CA4: variants seen among roughly 807,000 people sequenced by gnomAD.
CA4 encodes the protein CA-IV.
Under a neutral mutation model 34.5 loss-of-function variants are expected in CA4, and 24 were observed. The observed-to-expected ratio is 0.70, with a 90% CI of 0.50 to 0.98. The LOEUF (loss-of-function observed/expected upper bound fraction) is 0.98, where lower values mean the gene tolerates loss of function less well. Among genes scored for constraint, CA4 ranks in the 50% least tolerant of loss-of-function variants. The pLI, the probability that CA4 is intolerant of heterozygous loss-of-function variation, is 0.00. For missense variants in CA4, 394 were observed against 396.7 expected, an observed-to-expected ratio of 0.99 and a Z score of 0.06; for synonymous variants, 178 against 170.6, an observed-to-expected ratio of 1.04 and a Z score of -0.34.
At chr17:60,165,532 C>T in intron 5 of CA4, among the ~76,000 whole-genome samples, 1 of 152,208 alleles carries the variant, frequency 6.6e-6, no homozygotes, top group Non-Finnish European at 1.5e-5. Context: ...CCTGCTTTCT[C>T]ACTGTGGGGA....
At chr17:60,154,514 T>C (rs1350433691) in intron 1 of CA4, among the ~76,000 whole-genome samples, 1 of 152,246 alleles carries the variant, frequency 6.6e-6, no homozygotes, top group African/African-American at 2.4e-5. Flanking sequence ...TTAATAGACT[T>C]TATTTTTAGA....
chr17:60,160,362 A>T (rs1597999224), downstream of CA4, among the ~76,000 whole-genome samples: 1 of 152,224 alleles, frequency 6.6e-6, no homozygotes, highest in Non-Finnish European at 1.5e-5. Context: ...AAAAGACAAA[A>T]ATGCCTGCCC....
At chr17:60,171,367 G>T (rs2145313410), downstream of CA4, among the ~76,000 whole-genome samples, 1 of 152,376 alleles carries the variant, frequency 6.6e-6, no homozygotes, top group East Asian at 1.9e-4. Context: ...AGGCCCTGGG[G>T]CTGCTCCCTA....
At chr17:60,153,823 G>A (rs1010532948) in intron 1 of CA4, among the ~76,000 whole-genome samples, 1 of 152,216 alleles carries the variant, frequency 6.6e-6, no homozygotes, top group African/African-American at 2.4e-5. Context: ...CCCAGGGACA[G>A]CAGAGCCCTG....
rs1403296670 is a variant in CA4, at chr17:60,158,367, G to A, written c.665G>A (p.Gly222Asp). ...CTGAGGCACTACTTCCGCTACCTGG[G>A]CTCACTCACCACACCGACCTGCGAT... ...EKLRHYFRYLGSLTTPTCDEK... is the reference protein window; with the variant it reads ...EKLRHYFRYLDSLTTPTCDEK... Residue 222 changes from glycine (G) to aspartate (D), a missense_variant, in exon 7 of 8, where the codon GGC (glycine) becomes GAC (aspartate). Physicochemically the swap from Gly to Asp is moderately conservative, Grantham distance 94. Coordinates refer to ENST00000300900, the MANE Select transcript of CA4 (RefSeq NM_000717.5). The A allele has an allele frequency of 2.0e-5, 33 of 1,614,002 alleles. No individual in the cohort carries two copies. Among genetic ancestry groups the A allele is most frequent in the Non-Finnish European group, 2.6e-5 (31 of 1,180,014 alleles).
intron 5 of CA4, among the ~76,000 whole-genome samples, chr17:60,164,964 TCA>T (rs371407016): frequency 3.1e-4 from 47 of 152,296 alleles, no homozygotes; most frequent in African/African-American, 1.0e-3. Flanking sequence ...TTTCTGAGCC[TCA>T]GTTTCCTCAT....
chr17:60,151,105 G>A (rs1020221989), intron 1 of CA4, among the ~76,000 whole-genome samples: 7 of 152,218 alleles, frequency 4.6e-5, no homozygotes, highest in African/African-American at 1.7e-4. Context: ...GCTTCAAGCG[G>A]CTGGGCACAG....
intron 1 of CA4, among the ~76,000 whole-genome samples, chr17:60,154,162 C>A (rs2083638715): frequency 6.9e-6 from 1 of 145,760 alleles, no homozygotes; most frequent in Admixed American, 7.5e-5. Context: ...ATCTTGATTT[C>A]TTTCCAAGTC....
In CA4 at chr17:60,155,343, G is replaced by T. The variant is rs540328912; in HGVS notation, c.88G>T (p.Glu30Ter). The T allele has an allele frequency of 6.2e-7, 1 of 1,611,200 alleles. No homozygotes were observed. The highest frequency in any genetic ancestry group is 8.5e-7 in the Non-Finnish European group (1 of 1,178,810). ...ESHWCYEVQA[E>*]SSNYPCLVPV... is the part of the protein sequence containing the mutation. ...ACACTGGTGCTACGAGGTTCAAGCC[G>T]AGTCCTCCAACTACCCCTGCTTGGG... The change falls in exon 2 of 8, where the codon GAG becomes TAG. Residue 30 changes from glutamate to a stop codon, truncating the protein, a stop_gained. Coordinates refer to ENST00000300900, the MANE Select transcript of CA4 (RefSeq NM_000717.5). LOFTEE classifies it high-confidence loss of function.
At chr17:60,154,474 T>C (rs916182957) in intron 1 of CA4, among the ~76,000 whole-genome samples, 8 of 152,242 alleles carry the variant, frequency 5.3e-5, no homozygotes, top group African/African-American at 1.4e-4. Context: ...GATGTTGTGT[T>C]CGCCCTGCTG....
chr17:60,177,331 G>A, the CA4 span, among the ~76,000 whole-genome samples: 17 of 152,122 alleles, frequency 1.1e-4, no homozygotes, highest in South Asian at 4.2e-4. Context: ...TTCATATTTC[G>A]GTACATCAAC....
At chr17:60,177,259 T>C in the CA4 span, among the ~76,000 whole-genome samples, 1 of 152,262 alleles carries the variant, frequency 6.6e-6, no homozygotes, top group African/African-American at 2.4e-5. Context: ...TTAATTTGTT[T>C]GTATACTAGT....
At chr17:60,154,226 A>G (rs1567728143) in intron 1 of CA4, among the ~76,000 whole-genome samples, 1 of 108,482 alleles carries the variant, frequency 9.2e-6, no homozygotes, top group Non-Finnish European at 1.8e-5. Context: ...TCTGCTCCCA[A>G]AAGGAGGCCA....
downstream of CA4, among the ~76,000 whole-genome samples, chr17:60,162,619 G>A (rs2083805620): frequency 6.6e-6 from 1 of 151,604 alleles, no homozygotes; most frequent in African/African-American, 2.4e-5. Flanking sequence ...TAGCTGGCCA[G>A]GCCTGGGGAA....
downstream of CA4, among the ~76,000 whole-genome samples, chr17:60,173,075 G>A (rs1340390901): frequency 6.6e-6 from 1 of 151,922 alleles, no homozygotes; most frequent in Non-Finnish European, 1.5e-5. Context: ...CCTGAGAGGC[G>A]GAGGTTGTAG....
downstream of CA4, among the ~76,000 whole-genome samples, chr17:60,163,089 T>C (rs1244616044): frequency 2.0e-5 from 3 of 150,514 alleles, no homozygotes; most frequent in African/African-American, 4.9e-5. Flanking sequence ...TCTTGGCTCT[T>C]GGTTTGCACA....
chr17:60,159,921 C>A (rs939851424), downstream of CA4, among the ~76,000 whole-genome samples: 1 of 152,208 alleles, frequency 6.6e-6, no homozygotes, highest in African/African-American at 2.4e-5. Context: ...ACGTGAATCA[C>A]TTGAGCCCTG....
downstream of CA4, among the ~76,000 whole-genome samples, chr17:60,162,819 G>T (rs1473607960): frequency 1.3e-5 from 2 of 152,238 alleles, no homozygotes; most frequent in South Asian, 4.1e-4. Context: ...AGAGAGGGAC[G>T]GGGCACTTGT....
intron 5 of CA4, among the ~76,000 whole-genome samples, chr17:60,168,056 C>CAGAGATGT (rs1052347669): frequency 3.3e-4 from 50 of 151,864 alleles, no homozygotes; most frequent in South Asian, 8.3e-4. Flanking sequence ...AGTGAAGCTT[C>CAGAGATGT]AGAGATGTAG....
Sources: allele counts gnomAD v4.1 joint callset (sites outside exome capture counted in the v4.1 genomes callset), GRCh38; gene constraint gnomAD v4.1.1; transcripts MANE v1.5; gene names NCBI Gene and HGNC (gene_info 2026-07-23, HGNC 2026-07-21).